The following FHIT variants were observed in gnomAD, a reference collection of about 807,000 sequenced individuals.
FHIT encodes the protein fragile histidine triad diadenosine triphosphatase.
In FHIT, 19 loss-of-function variants were observed where a neutral mutation model predicts 17.9. The observed-to-expected ratio is 1.06, with a 90% CI of 0.74 to 1.56. FHIT has a LOEUF of 1.56. FHIT is among the 40% of genes most tolerant of loss of function. FHIT has a pLI of 0.00. For synonymous variants in FHIT, 81 were observed against 69.7 expected (o/e 1.16, Z -0.81); for missense variants, 248 against 189.2 (o/e 1.31, Z -1.82).
chr3:60,741,239 T>C (rs1418855045), intron 4 of FHIT, among the ~76,000 whole-genome samples: 1 of 152,234 alleles, frequency 6.6e-6, no homozygotes, highest in Non-Finnish European at 1.5e-5. Flanking sequence ...AAAGAGTTCC[T>C]AATTTCACCT....
intron 4 of FHIT, among the ~76,000 whole-genome samples, chr3:60,774,940 A>G (rs1445471473): frequency 6.6e-6 from 1 of 152,236 alleles, no homozygotes; most frequent in Non-Finnish European, 1.5e-5. Flanking sequence ...TAACATTTTT[A>G]GATCGAGTTG....
chr3:61,017,657 T>C (rs1198645760), intron 3 of FHIT, among the ~76,000 whole-genome samples: 2 of 152,204 alleles, frequency 1.3e-5, no homozygotes, highest in African/African-American at 4.8e-5. Context: ...GGGTGTCTAA[T>C]ATGCTGCAAA....
At chr3:59,963,354 C>G (rs1378056604) in intron 7 of FHIT, among the ~76,000 whole-genome samples, 2 of 152,060 alleles carry the variant, frequency 1.3e-5, no homozygotes, top group Non-Finnish European at 2.9e-5. Context: ...GAGTCGAAAA[C>G]TCATGGCTCA....
chr3:60,541,321 T>C (rs1286247594), intron 4 of FHIT, among the ~76,000 whole-genome samples: 1 of 152,236 alleles, frequency 6.6e-6, no homozygotes, highest in African/African-American at 2.4e-5. Flanking sequence ...TTTTCATTTT[T>C]TCTTGTTTTT....
At chr3:60,622,354 C>G (rs2856044) in intron 4 of FHIT, among the ~76,000 whole-genome samples, 77,072 of 151,324 alleles carry the variant, frequency 0.51, 19,993 homozygotes, top group African/African-American at 0.61. Context: ...TTTTTTGAAA[C>G]GTACAAATCT....
rs73836073 is a variant in FHIT at position 60,973,007 on chromosome 3, T to G, written c.-111+69040A>C. ...AAACAGATTATAGCTATAGATCTTA[T>G]AGCTCCAATTTCTCAGTCACTTTTG... On this transcript the variant is annotated intron_variant, in intron 3 of 9. Coordinates refer to ENST00000492590, the MANE Select transcript of FHIT (RefSeq NM_002012.4). Among the ~76,000 whole-genome samples, 1,343 of 152,324 alleles carry G rather than the reference T, an allele frequency of 8.8e-3. 18 individuals carry two copies. The highest frequency in any genetic ancestry group is 0.03 in the African/African-American group (1,234 of 41,568).
intron 5 of FHIT, among the ~76,000 whole-genome samples, chr3:60,135,081 C>G (rs1017325078): frequency 2.0e-5 from 3 of 152,008 alleles, no homozygotes; most frequent in African/African-American, 7.2e-5. Flanking sequence ...ATAAAAAGGG[C>G]AAAGTCAGAG....
intron 2 of FHIT, among the ~76,000 whole-genome samples, chr3:61,110,110 A>G (rs2036111964): frequency 6.6e-6 from 1 of 152,144 alleles, no homozygotes; most frequent in African/African-American, 2.4e-5. Flanking sequence ...CCTCTGGCCA[A>G]AAACCTCTAG....
chr3:60,147,879 A>T (rs1700308319), intron 5 of FHIT, among the ~76,000 whole-genome samples: 1 of 152,158 alleles, frequency 6.6e-6, no homozygotes, highest in Admixed American at 6.6e-5. Context: ...TTCTTTCACC[A>T]TGGGACTCAA....
At chr3:60,196,459 C>T (rs995698822) in intron 5 of FHIT, among the ~76,000 whole-genome samples, 2 of 152,128 alleles carry the variant, frequency 1.3e-5, no homozygotes, top group African/African-American at 4.8e-5. Flanking sequence ...CTTGTGAATA[C>T]ATTGGACCTA....
At chr3:60,022,590 C>T (rs1425261231) in intron 5 of FHIT, among the ~76,000 whole-genome samples, 1 of 152,164 alleles carries the variant, frequency 6.6e-6, no homozygotes, top group African/African-American at 2.4e-5. Context: ...GCATCGTGGT[C>T]ACAGTGACTA....
At chr3:60,459,472 G>T (rs911421821) in intron 5 of FHIT, among the ~76,000 whole-genome samples, 3 of 152,162 alleles carry the variant, frequency 2.0e-5, no homozygotes, top group Non-Finnish European at 4.4e-5. Context: ...GCACCTCTTT[G>T]AGTTTCAATG....
chr3:60,446,878 TAATAATAATAATAA>T, intron 5 of FHIT, among the ~76,000 whole-genome samples: 1 of 147,586 alleles, frequency 6.8e-6, no homozygotes, highest in South Asian at 2.1e-4. Flanking sequence ...ATAATAATAA[TAATAATAATAATAA>T]TAATAATAAA....
At chr3:61,184,128 G>C (rs182955499) in intron 2 of FHIT, among the ~76,000 whole-genome samples, 2 of 152,134 alleles carry the variant, frequency 1.3e-5, no homozygotes, top group African/African-American at 4.8e-5. Flanking sequence ...TATTCCCCCA[G>C]TGTCTCTACC....
At chr3:60,145,508 T>G (rs1472816160) in intron 5 of FHIT, among the ~76,000 whole-genome samples, 1 of 152,190 alleles carries the variant, frequency 6.6e-6, no homozygotes, top group Non-Finnish European at 1.5e-5. Context: ...AAAACAGACC[T>G]GTGGGACTGT....
chr3:59,795,374 A>G (rs1699736122), intron 8 of FHIT, among the ~76,000 whole-genome samples: 1 of 132,984 alleles, frequency 7.5e-6, no homozygotes. Context: ...ACAGAGCAAG[A>G]CCCTGTCTCG....
intron 8 of FHIT, among the ~76,000 whole-genome samples, chr3:59,789,376 A>G (rs1368718964): frequency 1.3e-5 from 2 of 152,210 alleles, no homozygotes; most frequent in Non-Finnish European, 2.9e-5. Context: ...GAAAATTAAA[A>G]TGGTTTCTAC....
At position 60,516,847 on chromosome 3, in the gene FHIT, A is replaced by G. The variant is rs116627599; in HGVS notation, c.103+20013T>C. On this transcript the variant is annotated intron_variant, in intron 5 of 9. Transcript: ENST00000492590. ...GGGATCACTTGAGCGAAAGTGATCAATTACACCCATGTTATAATAGGGATA... is the reference window on the plus strand; with the variant it reads ...GGGATCACTTGAGCGAAAGTGATCAGTTACACCCATGTTATAATAGGGATA... Among the ~76,000 whole-genome samples the G allele has an allele frequency of 5.9e-3, 904 of 152,326 alleles. 12 individuals are homozygous for G. The highest frequency in any genetic ancestry group is 0.021 in the African/African-American group (855 of 41,576).
chr3:60,980,463 T>G (rs1710446435), intron 3 of FHIT, among the ~76,000 whole-genome samples: 1 of 152,188 alleles, frequency 6.6e-6, no homozygotes, highest in South Asian at 2.1e-4. Flanking sequence ...TGTGAGCCAC[T>G]TTCTATCTAA....
Sources: allele counts gnomAD v4.1 joint callset (sites outside exome capture counted in the v4.1 genomes callset), GRCh38; gene constraint gnomAD v4.1.1; transcripts MANE v1.5; gene names NCBI Gene and HGNC (gene_info 2026-07-23, HGNC 2026-07-21).